The following SIPA1L1 variants were observed in gnomAD, a reference collection of about 807,000 sequenced individuals.
SIPA1L1 encodes signal induced proliferation associated 1 like 1.
Under a neutral mutation model 162.7 loss-of-function variants are expected in SIPA1L1, and 26 were observed. The ratio of observed to expected loss-of-function variants is 0.16; its 90% confidence interval spans 0.12 to 0.22. The LOEUF is 0.22. Among genes scored for constraint, SIPA1L1 ranks in the 10% least tolerant of loss-of-function variants. The pLI is 1.00. For missense variants in SIPA1L1, 1,874 were observed against 2,241.0 expected (o/e 0.84, Z 3.31); for synonymous variants, 829 against 837.4 (o/e 0.99, Z 0.17).
chr14:71,726,861 C>T (rs1434413481), intron 19 of SIPA1L1, among the ~76,000 whole-genome samples: 4 of 152,130 alleles, frequency 2.6e-5, no homozygotes, highest in African/African-American at 4.8e-5. Flanking sequence ...GTAAGGCTGG[C>T]ATGCCCTTGA....
chr14:71,707,079 C>T (rs905105296), intron 16 of SIPA1L1, among the ~76,000 whole-genome samples: 2 of 151,592 alleles, frequency 1.3e-5, no homozygotes, highest in Admixed American at 1.3e-4. Context: ...TCCTGCCCCT[C>T]CCCTTAGCCA....
At chr14:71,719,962 A>T (rs2083572534) in intron 17 of SIPA1L1, among the ~76,000 whole-genome samples, 1 of 152,228 alleles carries the variant, frequency 6.6e-6, no homozygotes, top group Non-Finnish European at 1.5e-5. Context: ...TAAATATGTT[A>T]TCCCCCACTC....
At chr14:71,738,091 A>G in intron 22 of SIPA1L1, 150 bp from the exon 23 acceptor site, 1 of 482,720 alleles carries the variant, frequency 2.1e-6, no homozygotes. Context: ...TAAAGTAAAA[A>G]TACTCATTGG....
At chr14:71,692,665 G>A (rs2081332953) in intron 13 of SIPA1L1, among the ~76,000 whole-genome samples, 1 of 152,162 alleles carries the variant, frequency 6.6e-6, no homozygotes, top group African/African-American at 2.4e-5. Flanking sequence ...GTTCCCCATC[G>A]TTTACAAACT....
At chr14:71,558,874 C>T (rs553808898) in intron 4 of SIPA1L1, among the ~76,000 whole-genome samples, 12 of 152,112 alleles carry the variant, frequency 7.9e-5, no homozygotes, top group African/African-American at 2.4e-4. Flanking sequence ...TGTAGAGACA[C>T]GGTCTTGCTG....
At chr14:71,401,750 T>C (rs914030218) in intron 2 of SIPA1L1, among the ~76,000 whole-genome samples, 6 of 152,116 alleles carry the variant, frequency 3.9e-5, no homozygotes, top group African/African-American at 1.4e-4. Context: ...TTTGGTAAGT[T>C]ATATATCATA....
intron 4 of SIPA1L1, among the ~76,000 whole-genome samples, chr14:71,563,753 G>T (rs1251382632): frequency 2.0e-5 from 3 of 152,090 alleles, no homozygotes; most frequent in African/African-American, 7.2e-5. Context: ...TTACCTCAGA[G>T]TTTCAGCTCC....
At chr14:71,391,737 C>T (rs2040778230) in intron 2 of SIPA1L1, among the ~76,000 whole-genome samples, 2 of 152,128 alleles carry the variant, frequency 1.3e-5, no homozygotes, top group Admixed American at 6.5e-5. Flanking sequence ...TAAAGAGTGA[C>T]TCTCTAAGGA....
At chr14:71,558,946 A>G (rs2056569368) in intron 4 of SIPA1L1, among the ~76,000 whole-genome samples, 1 of 152,104 alleles carries the variant, frequency 6.6e-6, no homozygotes, top group African/African-American at 2.4e-5. Context: ...GACCTCCCAA[A>G]ATGTTGGGAT....
chr14:71,361,334 G>T (rs1425098122), intron 2 of SIPA1L1, among the ~76,000 whole-genome samples: 1 of 152,046 alleles, frequency 6.6e-6, no homozygotes, highest in Admixed American at 6.6e-5. Context: ...TGGTAATGGG[G>T]TATTGGGTCT....
Position 71,356,120 on chromosome 14 carries a change from C to T in SIPA1L1, c.-465+34939C>T, listed in dbSNP as rs541114022. Among the ~76,000 whole-genome samples, 9 of 152,290 alleles carry T rather than the reference C, an allele frequency of 5.9e-5. 1 individual carries two copies. The South Asian group carries it at 1.9e-3, about 32-fold the overall frequency. On this transcript the variant is annotated intron_variant, in intron 2 of 23. Transcript: ENST00000381232. ...AGCAAGACTCACCCCCCTTCTTCCA[C>T]TTTCCCTACATAACACCGTTCTGAA...
intron 2 of SIPA1L1, among the ~76,000 whole-genome samples, chr14:71,385,311 T>C (rs1157845329): frequency 6.6e-6 from 1 of 152,126 alleles, no homozygotes; most frequent in Non-Finnish European, 1.5e-5. Context: ...TTTGGTGGAG[T>C]GAGGACTAAA....
chr14:71,418,791 G>C (rs896862778), intron 2 of SIPA1L1, among the ~76,000 whole-genome samples: 9 of 152,158 alleles, frequency 5.9e-5, no homozygotes, highest in African/African-American at 2.2e-4. Context: ...ACCATGTATG[G>C]AAAATTAAGG....
At chr14:71,721,054 T>A (rs755621901) in intron 17 of SIPA1L1, among the ~76,000 whole-genome samples, 1 of 152,312 alleles carries the variant, frequency 6.6e-6, no homozygotes, top group African/African-American at 2.4e-5. Flanking sequence ...TATTCCAATC[T>A]TGGCAGCCTG....
At chr14:71,710,599 G>A (rs2082796853) in intron 17 of SIPA1L1, among the ~76,000 whole-genome samples, 1 of 152,124 alleles carries the variant, frequency 6.6e-6, no homozygotes, top group Non-Finnish European at 1.5e-5. Context: ...CTTGAGGTCA[G>A]GAGTTTGAGA....
chr14:71,723,688 C>T lies in SIPA1L1; in HGVS notation c.4250C>T (p.Thr1417Ile), dbSNP rs2083959283. 6.8e-6 allele frequency: 11 copies of T among 1,614,084 alleles called. No individual in the cohort carries two copies. Among genetic ancestry groups the T allele is most frequent in the African/African-American group, 2.7e-5 (2 of 74,928 alleles). The part of the protein sequence containing the change: ...SRHSASPVVF[T>I]SARSSPKEEL... ...CACTCTGCCAGCCCAGTGGTTTTCACCAGTGCCCGGAGTTCACCTAAAGAA... is the reference window on the plus strand; with the variant it reads ...CACTCTGCCAGCCCAGTGGTTTTCATCAGTGCCCGGAGTTCACCTAAAGAA... The change falls in exon 18 of 24, where the codon ACC becomes ATC. Residue 1417 changes from threonine (T) to isoleucine (I), a missense_variant. Coordinates refer to ENST00000381232, the MANE Select transcript of SIPA1L1 (RefSeq NM_001386936.1).
intron 2 of SIPA1L1, among the ~76,000 whole-genome samples, chr14:71,491,904 G>C (rs2143005103): frequency 6.6e-6 from 1 of 151,254 alleles, no homozygotes; most frequent in Admixed American, 6.6e-5. Context: ...GAATTTACCT[G>C]ATAATCCTCA....
At chr14:71,410,585 C>T (rs553588043) in intron 2 of SIPA1L1, among the ~76,000 whole-genome samples, 49 of 152,280 alleles carry the variant, frequency 3.2e-4, no homozygotes, top group Admixed American at 9.8e-4. Flanking sequence ...CATCCCTGAT[C>T]GGAAAACCTG....
chr14:71,509,214 A>G (rs898804260), intron 2 of SIPA1L1, among the ~76,000 whole-genome samples: 2 of 152,100 alleles, frequency 1.3e-5, no homozygotes, highest in Admixed American at 1.3e-4. Flanking sequence ...GATATCATCT[A>G]TATTGGGATT....
Sources: allele counts gnomAD v4.1 joint callset (sites outside exome capture counted in the v4.1 genomes callset), GRCh38; gene constraint gnomAD v4.1.1; transcripts MANE v1.5; gene names NCBI Gene and HGNC (gene_info 2026-07-23, HGNC 2026-07-21).